The following DNAH14 variants were observed in gnomAD, a reference collection of about 807,000 sequenced individuals.
The protein encoded by DNAH14 is dynein axonemal heavy chain 14.
DNAH14 carries 478 observed loss-of-function variants against 520.9 expected under a neutral mutation model. That is an observed-to-expected ratio of 0.92 (90% CI 0.85 to 0.99). The LOEUF (loss-of-function observed/expected upper bound fraction) is 0.99. Ranked by LOEUF, DNAH14 falls within the 50% of genes least tolerant of loss-of-function variation. The pLI is 0.00. For synonymous variants in DNAH14, 1,581 were observed against 1,757.2 expected (o/e 0.90, Z 2.51); for missense variants, 4,831 against 5,234.5 (o/e 0.92, Z 2.38).
At chr1:225,168,188 T>A (rs1266467861) in intron 36 of DNAH14, among the ~76,000 whole-genome samples, 160 bp downstream of exon 36, 1 of 152,156 alleles carries the variant, frequency 6.6e-6, no homozygotes, top group Non-Finnish European at 1.5e-5. Context: ...TTATTTGGGT[T>A]CCAAGATGGC....
Position 225,089,474 on chromosome 1 carries a change from G to GAGAGAA in DNAH14, c.3573+3688_3573+3689insGAAAGA, listed in dbSNP as rs1175078263. ...AAAAAAAAAAAAAAAAAGAGAGCGAGAGAAAGAAAAGAAAAGAAAAAAGAA... is the reference window on the plus strand; with the variant it reads ...AAAAAAAAAAAAAAAAAGAGAGCGAGAGAGAAAGAAAGAAAAGAAAAGAAAAAAGAA... On this transcript the variant is annotated intron_variant, in intron 21 of 85. Coordinates refer to ENST00000682510, the MANE Select transcript of DNAH14 (RefSeq NM_001367479.1). 4.6e-3 allele frequency among the ~76,000 whole-genome samples: 611 copies of GAGAGAA among 131,544 alleles called. 5 individuals are homozygous for GAGAGAA. The highest frequency in any genetic ancestry group is 0.016 in the African/African-American group (580 of 35,618). The allele number at this position is 131,544 out of a possible 152,430, so 86.3% of individuals were successfully genotyped here. A position where few individuals can be genotyped will look rare whatever the true frequency, so the allele number is the denominator to read the frequency against.
intron 17 of DNAH14, among the ~76,000 whole-genome samples, chr1:225,066,455 TAC>T (rs997650171): frequency 6.6e-6 from 1 of 152,134 alleles, no homozygotes; most frequent in African/African-American, 2.4e-5. Context: ...CTAGAAGTTT[TAC>T]AGTTTTCAGT....
At chr1:225,201,873 C>CTTTTTTTTT (rs35342713) in intron 38 of DNAH14, among the ~76,000 whole-genome samples, 1 of 122,548 alleles carries the variant, frequency 8.2e-6, no homozygotes, top group African/African-American at 3.4e-5. Context: ...TTCTTTCTTC[C>CTTTTTTTTT]TTTTTTTTTT....
chr1:225,078,015 C>T (rs144671712), intron 17 of DNAH14, among the ~76,000 whole-genome samples: 9 of 152,144 alleles, frequency 5.9e-5, no homozygotes, highest in Non-Finnish European at 1.5e-5. Flanking sequence ...TAAAATTATG[C>T]AGGCATACTC....
At chr1:225,148,533 C>G (rs2080173981) in intron 31 of DNAH14, among the ~76,000 whole-genome samples, 1 of 151,390 alleles carries the variant, frequency 6.6e-6, no homozygotes, top group Non-Finnish European at 1.5e-5. Flanking sequence ...TCCTGAGTAG[C>G]TGGGATTACA....
chr1:225,063,484 G>A (rs1255704992), intron 17 of DNAH14, among the ~76,000 whole-genome samples: 3 of 151,974 alleles, frequency 2.0e-5, no homozygotes, highest in African/African-American at 7.3e-5. Context: ...AGACATGGAG[G>A]GCTGACTGTA....
chr1:225,141,137 C>T, intron 28 of DNAH14, 116 bp downstream of exon 28: 1 of 1,045,662 alleles, frequency 9.6e-7, no homozygotes, highest in Non-Finnish European at 1.3e-6. Context: ...GGGGGCTTTA[C>T]CAAAATTCTA....
At chr1:225,314,275 CT>C (rs1235900862) in intron 60 of DNAH14, among the ~76,000 whole-genome samples, 1 of 151,862 alleles carries the variant, frequency 6.6e-6, no homozygotes, top group African/African-American at 2.4e-5. Flanking sequence ...GCTTTTTTTG[CT>C]TTCCATTTGC....
chr1:225,042,566 T>A (rs1558767012), intron 12 of DNAH14, among the ~76,000 whole-genome samples: 1 of 152,148 alleles, frequency 6.6e-6, no homozygotes, highest in Non-Finnish European at 1.5e-5. Flanking sequence ...ATTTGTATTT[T>A]AAATAGGCAC....
At chr1:224,992,866 T>C (rs533227861) in intron 8 of DNAH14, among the ~76,000 whole-genome samples, 34 of 152,202 alleles carry the variant, frequency 2.2e-4, no homozygotes, top group African/African-American at 7.9e-4. Flanking sequence ...TTAAATGTGT[T>C]GAGGTACAAT....
intron 3 of DNAH14, among the ~76,000 whole-genome samples, chr1:224,956,659 T>G (rs2060533479): frequency 6.6e-6 from 1 of 152,180 alleles, no homozygotes; most frequent in Non-Finnish European, 1.5e-5. Flanking sequence ...CTTCCTATTT[T>G]ACCTATTAAA....
chr1:225,259,271 C>T lies in DNAH14; in HGVS notation c.7157+18C>T. On this transcript the variant is annotated intron_variant, in intron 46 of 85. Coordinates refer to ENST00000682510, the MANE Select transcript of DNAH14 (RefSeq NM_001367479.1). ...AAATCAAGGTTGTATATACTAACTT[C>T]TAAATTTGATTTGTCTGATTTTAAA... 7.4e-7 allele frequency: 1 copy of T among 1,359,288 alleles called. No individual in the cohort carries two copies. The highest frequency in any genetic ancestry group is 1.8e-5 in the South Asian group (1 of 54,400). 84.2% of individuals were successfully genotyped at this position (1,359,288 alleles called of 1,614,324 possible).
At chr1:225,076,893 C>G (rs149210269) in intron 17 of DNAH14, among the ~76,000 whole-genome samples, 417 of 152,044 alleles carry the variant, frequency 2.7e-3, no homozygotes, top group Middle Eastern at 0.027. Context: ...TTGCTGCACC[C>G]ATAAACTCAT....
intron 60 of DNAH14, among the ~76,000 whole-genome samples, chr1:225,315,908 G>T (rs1168533250): frequency 3.9e-5 from 6 of 152,214 alleles, no homozygotes; most frequent in Admixed American, 3.9e-4. Context: ...TGCAGATCAG[G>T]GACCCACTTG....
chr1:225,145,509 G>T, intron 30 of DNAH14, 130 bp downstream of exon 30: 1 of 676,078 alleles, frequency 1.5e-6, no homozygotes, highest in Non-Finnish European at 2.2e-6. Context: ...AACTTTAAAT[G>T]CTGTTACTTC....
chr1:225,064,265 G>A (rs2070570383), intron 17 of DNAH14, among the ~76,000 whole-genome samples: 3 of 151,970 alleles, frequency 2.0e-5, no homozygotes, highest in Non-Finnish European at 4.4e-5. Context: ...TTAAAATACT[G>A]ACAATATCAG....
At chr1:225,240,936 A>G (rs2091927404) in intron 43 of DNAH14, 114 bp downstream of exon 43, 1 of 850,910 alleles carries the variant, frequency 1.2e-6, no homozygotes, top group Non-Finnish European at 1.8e-6. Flanking sequence ...TGAAGGAAAA[A>G]GAAGGTTTAT....
rs530076693 is a variant in DNAH14, at chr1:224,995,820, G to T, written c.831-6963G>T. Reference sequence around the variant, plus strand: ...TTCTTTCTTCAGTTTGACTGAGCCTGCTGTTGAAACTCTCTATTGCATTAT... The same window carrying T: ...TTCTTTCTTCAGTTTGACTGAGCCTTCTGTTGAAACTCTCTATTGCATTAT... On this transcript the variant is annotated intron_variant, in intron 8 of 85. Transcript: ENST00000682510. 2.0e-5 allele frequency among the ~76,000 whole-genome samples: 3 copies of T among 152,072 alleles called. No individual in the cohort carries two copies. The South Asian group carries it at 6.2e-4, about 32-fold the overall frequency.
At chr1:225,257,901 A>T in intron 44 of DNAH14, 59 bp from the exon 45 acceptor site, 16 of 1,222,616 alleles carry the variant, frequency 1.3e-5, no homozygotes, top group Non-Finnish European at 1.8e-5. Context: ...AAAAAAAAAA[A>T]GATGAGGTGA....
Sources: gnomAD v4.1 joint callset for allele counts (sites outside exome capture counted in the v4.1 genomes callset) on GRCh38, gnomAD v4.1.1 for gene constraint, MANE v1.5 for transcripts, NCBI Gene and HGNC (gene_info 2026-07-23, HGNC 2026-07-21) for gene names.